Variants in FARS2 observed in about 807,000 individuals in gnomAD.
FARS2 encodes the protein phenylalanyl-tRNA synthetase 2, mitochondrial, also known as phenylalanine--tRNA ligase, mitochondrial.
FARS2 carries 40 observed loss-of-function variants against 46.4 expected under a neutral mutation model. The ratio of observed to expected loss-of-function variants is 0.86; its 90% CI spans 0.67 to 1.12. The LOEUF is 1.12. Among genes scored for constraint, FARS2 ranks in the 50% most tolerant of loss-of-function variants. FARS2 has a pLI of 0.00. For synonymous variants in FARS2, 234 were observed against 214.9 expected (o/e 1.09, Z -0.78); for missense variants, 513 against 567.9 (o/e 0.90, Z 0.98).
At position 5,404,673 on chromosome 6, in the gene FARS2, C is replaced by T; in HGVS notation, c.744C>T (p.Thr248=). The change falls in exon 3 of 7, where the codon ACC becomes ACT. Residue 248 remains threonine (T), a synonymous_variant. Transcript: ENST00000274680. ...LVEFDLKQTL[T]RLMAHLFGDE... ...AGTTTGATCTTAAGCAAACGCTTAC[C>T]AGGCTCATGGCACATCTTTTTGGAG... The T allele has an allele frequency of 6.2e-7, 1 of 1,605,524 alleles. No homozygotes were observed. Among genetic ancestry groups the T allele is most frequent in the Non-Finnish European group, 8.5e-7 (1 of 1,175,492 alleles).
At chr6:5,678,408 G>T (rs966546848) in intron 6 of FARS2, among the ~76,000 whole-genome samples, 1 of 152,186 alleles carries the variant, frequency 6.6e-6, no homozygotes, top group East Asian at 1.9e-4. Context: ...TTGAGGAGAC[G>T]CTTTGGCCTC....
chr6:5,394,996 G>A (rs1760810413), intron 2 of FARS2, among the ~76,000 whole-genome samples: 1 of 151,968 alleles, frequency 6.6e-6, no homozygotes, highest in South Asian at 2.1e-4. Flanking sequence ...GTTTAGCCAG[G>A]CTTATTCTGC....
intron 4 of FARS2, among the ~76,000 whole-genome samples, chr6:5,458,880 G>T (rs1183546154): frequency 6.6e-6 from 1 of 152,184 alleles, no homozygotes; most frequent in Non-Finnish European, 1.5e-5. Context: ...GGTGAGAAGG[G>T]CCATCCATGA....
chr6:5,529,931 C>G (rs1467787793), intron 4 of FARS2, among the ~76,000 whole-genome samples: 4 of 152,188 alleles, frequency 2.6e-5, no homozygotes, highest in Admixed American at 2.6e-4. Context: ...ACTGCCCCAG[C>G]CAGCAGGCAG....
chr6:5,707,359 G>A (rs1289048974), intron 6 of FARS2, among the ~76,000 whole-genome samples: 5 of 152,168 alleles, frequency 3.3e-5, no homozygotes, highest in Non-Finnish European at 7.3e-5. Context: ...TTCACAAGCC[G>A]CTAAGCATCT....
intron 6 of FARS2, among the ~76,000 whole-genome samples, chr6:5,748,860 G>T (rs1761786118): frequency 6.6e-6 from 1 of 152,216 alleles, no homozygotes; most frequent in Non-Finnish European, 1.5e-5. Context: ...GTAAAAGATT[G>T]GGTCTGTTGA....
At position 5,379,810 on chromosome 6, in the gene FARS2, A is replaced by G. The variant is rs1759635995; in HGVS notation, c.612+10628A>G. Among the ~76,000 whole-genome samples the G allele has an allele frequency of 2.0e-5, 3 of 152,338 alleles. No homozygotes were observed. The South Asian group carries it at 6.2e-4, about 32-fold the overall frequency. On this transcript the variant is annotated intron_variant, in intron 2 of 6. Coordinates refer to ENST00000274680, the MANE Select transcript of FARS2 (RefSeq NM_006567.5). ...GCAAAAGAAGTGCAGGGTGCCCAGT[A>G]AGAATACCTTCCTTTGCCATGTCCC...
chr6:5,680,312 G>A (rs533799623), intron 6 of FARS2, among the ~76,000 whole-genome samples: 18 of 152,114 alleles, frequency 1.2e-4, no homozygotes, highest in Non-Finnish European at 2.2e-4. Flanking sequence ...GTAGCCACGG[G>A]TTAGGCATGA....
At chr6:5,398,116 T>A (rs1014251023) in intron 2 of FARS2, among the ~76,000 whole-genome samples, 1 of 152,196 alleles carries the variant, frequency 6.6e-6, no homozygotes, top group Non-Finnish European at 1.5e-5. Context: ...TTTTCCCCTT[T>A]GTAGTTAATA....
chr6:5,333,131 G>A (rs191235284), intron 1 of FARS2, among the ~76,000 whole-genome samples: 8 of 152,170 alleles, frequency 5.3e-5, no homozygotes, highest in Non-Finnish European at 1.2e-4. Flanking sequence ...CTGTTTTAAT[G>A]GAGTTATGGC....
intron 6 of FARS2, among the ~76,000 whole-genome samples, chr6:5,759,768 G>A (rs1416754645): frequency 6.6e-6 from 1 of 152,144 alleles, no homozygotes. Context: ...CGTCAGCTTA[G>A]TATAAGGGGA....
chr6:5,758,798 C>T (rs1434519485), intron 6 of FARS2, among the ~76,000 whole-genome samples: 1 of 152,100 alleles, frequency 6.6e-6, no homozygotes, highest in Non-Finnish European at 1.5e-5. Context: ...AAAGTTGCCC[C>T]CTGAGCCTTA....
intron 4 of FARS2, among the ~76,000 whole-genome samples, chr6:5,537,641 T>C (rs1770303402): frequency 6.6e-6 from 1 of 152,166 alleles, no homozygotes; most frequent in African/African-American, 2.4e-5. Flanking sequence ...GAGTTGGAGA[T>C]GCAGACAAGA....
chr6:5,485,700 A>G lies in FARS2; in HGVS notation c.904+54528A>G, dbSNP rs573329329. Among the ~76,000 whole-genome samples, 12 of 152,334 alleles carry G rather than the reference A, an allele frequency of 7.9e-5. No homozygotes were observed. In the South Asian group the frequency reaches 2.5e-3, roughly 32 times the overall value. On this transcript the variant is annotated intron_variant, in intron 4 of 6. Coordinates refer to ENST00000274680, the MANE Select transcript of FARS2 (RefSeq NM_006567.5). ...AAAAAACATTTTTTTGCTCAAGACC[A>G]TCCAAAACAAGCTACTGGACACATT...
chr6:5,662,302 C>A (rs1256047424), intron 6 of FARS2, among the ~76,000 whole-genome samples: 1 of 152,162 alleles, frequency 6.6e-6, no homozygotes, highest in Non-Finnish European at 1.5e-5. Context: ...GTTCTACATG[C>A]ATGTTATTAC....
chr6:5,272,578 C>A (rs755880601), intron 1 of FARS2: 1 of 151,948 alleles, frequency 6.6e-6, no homozygotes, highest in Non-Finnish European at 1.5e-5. Context: ...ACATGTGATA[C>A]TTTAATACAT....
intron 6 of FARS2, among the ~76,000 whole-genome samples, chr6:5,734,173 A>T (rs555800764): frequency 6.6e-6 from 1 of 152,210 alleles, no homozygotes; most frequent in African/African-American, 2.4e-5. Context: ...AGAATTCTAG[A>T]AAGCTAGGCT....
chr6:5,257,864 G>C (rs1260859989), upstream of FARS2, among the ~76,000 whole-genome samples: 1 of 152,212 alleles, frequency 6.6e-6, no homozygotes, highest in African/African-American at 2.4e-5. Flanking sequence ...ACTGGGCAAA[G>C]CATGCTTCAG....
intron 5 of FARS2, among the ~76,000 whole-genome samples, chr6:5,545,837 A>G (rs1770944544): frequency 2.0e-5 from 3 of 152,112 alleles, no homozygotes; most frequent in Non-Finnish European, 4.4e-5. Flanking sequence ...GAATTTGTAA[A>G]GAAGTTCTGG....
Sources: gnomAD v4.1 joint callset for allele counts (sites outside exome capture counted in the v4.1 genomes callset) on GRCh38, gnomAD v4.1.1 for gene constraint, MANE v1.5 for transcripts, NCBI Gene and HGNC (gene_info 2026-07-23, HGNC 2026-07-21) for gene names.